Variants in FAM107B observed in about 807,000 individuals in gnomAD.
FAM107B encodes protein FAM107B.
FAM107B carries 21 observed loss-of-function variants against 31.5 expected under a neutral mutation model. The observed-to-expected ratio is 0.67, with a 90% CI of 0.47 to 0.96. FAM107B has a LOEUF of 0.96. Ranked by LOEUF, FAM107B falls within the 40% of genes least tolerant of loss-of-function variation. The pLI is 0.00. For missense variants in FAM107B, 452 were observed against 377.1 expected (o/e 1.20, Z -1.64); for synonymous variants, 157 against 141.5 (o/e 1.11, Z -0.78).
chr10:14,765,618 G>A (rs1277641756), intron 1 of FAM107B, among the ~76,000 whole-genome samples: 1 of 152,180 alleles, frequency 6.6e-6, no homozygotes, highest in African/African-American at 2.4e-5. Context: ...GTTTGTGGAA[G>A]GAGGGACAGT....
At chr10:14,633,246 T>C (rs1436310877) in intron 2 of FAM107B, among the ~76,000 whole-genome samples, 3 of 151,564 alleles carry the variant, frequency 2.0e-5, no homozygotes, top group African/African-American at 7.3e-5. Context: ...CACTGAGTGA[T>C]GGCCCCTTGG....
intron 2 of FAM107B, among the ~76,000 whole-genome samples, chr10:14,569,651 C>A (rs897122788): frequency 6.6e-6 from 1 of 152,152 alleles, no homozygotes; most frequent in South Asian, 2.1e-4. Flanking sequence ...AGGGGTGGAG[C>A]CCTCACACAG....
At chr10:14,525,698 A>G (rs1172270411) in intron 3 of FAM107B, among the ~76,000 whole-genome samples, 1 of 152,138 alleles carries the variant, frequency 6.6e-6, no homozygotes, top group Non-Finnish European at 1.5e-5. Flanking sequence ...TTGGTTTCCA[A>G]CTGTTCACTA....
chr10:14,583,741 A>G (rs939274863), intron 2 of FAM107B, among the ~76,000 whole-genome samples: 5 of 152,104 alleles, frequency 3.3e-5, no homozygotes, highest in African/African-American at 1.2e-4. Context: ...GAAGGAAACT[A>G]CAGGGAAAAA....
At chr10:14,571,927 A>G in intron 2 of FAM107B, 1 of 985,446 alleles carries the variant, frequency 1.0e-6, no homozygotes, top group Non-Finnish European at 1.2e-6. Context: ...ACCTCACCTC[A>G]GTAGATATAG....
At chr10:14,625,301 C>A (rs1035200020) in intron 2 of FAM107B, among the ~76,000 whole-genome samples, 1 of 151,544 alleles carries the variant, frequency 6.6e-6, no homozygotes, top group African/African-American at 2.4e-5. Flanking sequence ...TCCCTCCCAG[C>A]CCTGGGAATT....
intron 2 of FAM107B, among the ~76,000 whole-genome samples, chr10:14,599,428 A>C (rs1588647696): frequency 1.3e-5 from 2 of 152,326 alleles, no homozygotes; most frequent in East Asian, 1.9e-4. Context: ...TATTGTCTCC[A>C]ACCCATGTGA....
intron 2 of FAM107B, among the ~76,000 whole-genome samples, chr10:14,590,597 AG>A (rs1428514823): frequency 6.6e-6 from 1 of 152,202 alleles, no homozygotes; most frequent in African/African-American, 2.4e-5. Context: ...CTTCTTCCAA[AG>A]GAACTCTCAA....
chr10:14,545,760 T>C (rs1393198617), intron 2 of FAM107B, among the ~76,000 whole-genome samples: 1 of 152,250 alleles, frequency 6.6e-6, no homozygotes, highest in African/African-American at 2.4e-5. Context: ...AAATTAAAAT[T>C]GGTAAAATAA....
intron 1 of FAM107B, among the ~76,000 whole-genome samples, chr10:14,702,467 C>G (rs2768741): frequency 0.018 from 2,729 of 152,206 alleles, 106 homozygotes; most frequent in African/African-American, 0.063. Flanking sequence ...CCGCCTCAGC[C>G]CCCTGAGTAG....
At chr10:14,604,119 C>CCCCCCCCCCCG in intron 2 of FAM107B, 1 of 497,190 alleles carries the variant, frequency 2.0e-6, no homozygotes, top group Non-Finnish European at 2.6e-6. Context: ...CGGGGACCCC[C>CCCCCCCCCCCG]CACCCGCCCG....
chr10:14,556,350 A>G, intron 2 of FAM107B: 1 of 985,468 alleles, frequency 1.0e-6, no homozygotes, highest in Non-Finnish European at 1.2e-6. Context: ...CAGAAGATCT[A>G]GAAATGCTGA....
chr10:14,582,948 G>T (rs10906705), intron 2 of FAM107B, among the ~76,000 whole-genome samples: 111,094 of 151,736 alleles, frequency 0.73, 41,593 homozygotes, highest in Middle Eastern at 0.83. Context: ...TAGCCGGGCA[G>T]AGTGGCGTGC....
chr10:14,610,153 C>A (rs752484812), intron 2 of FAM107B, among the ~76,000 whole-genome samples: 25 of 152,228 alleles, frequency 1.6e-4, no homozygotes, highest in South Asian at 6.2e-4. Context: ...ATCATCCTGG[C>A]TAACACGGTG....
intron 2 of FAM107B, among the ~76,000 whole-genome samples, chr10:14,645,743 T>C (rs759622943): frequency 2.0e-5 from 3 of 152,210 alleles, no homozygotes; most frequent in African/African-American, 4.8e-5. Context: ...GGATTTATTT[T>C]ATTTTTTTTA....
At chr10:14,590,593 C>T (rs4750534) in intron 2 of FAM107B, among the ~76,000 whole-genome samples, 145,886 of 152,260 alleles carry the variant, frequency 0.96, 70,219 homozygotes, top group East Asian at 1. Flanking sequence ...CATGCTTCTT[C>T]CAAAGGAACT....
At chr10:14,689,920 C>T (rs531302500) in intron 1 of FAM107B, among the ~76,000 whole-genome samples, 23 of 151,538 alleles carry the variant, frequency 1.5e-4, no homozygotes, top group Middle Eastern at 3.4e-3. Flanking sequence ...GCTGAGCTCG[C>T]ACCACAGCAC....
intron 1 of FAM107B, among the ~76,000 whole-genome samples, chr10:14,685,440 C>G (rs757928059): frequency 2.6e-5 from 4 of 152,158 alleles, no homozygotes; most frequent in African/African-American, 7.2e-5. Context: ...GTGTGAGCCA[C>G]TGCACCTGGT....
At chr10:14,570,921 T>C (rs576885029) in intron 2 of FAM107B, among the ~76,000 whole-genome samples, 76 of 151,898 alleles carry the variant, frequency 5.0e-4, no homozygotes, top group Admixed American at 1.9e-3. Flanking sequence ...ATGAGCAGAA[T>C]GCTTTCAAAT....
Sources: allele counts gnomAD v4.1 joint callset (sites outside exome capture counted in the v4.1 genomes callset), GRCh38; gene constraint gnomAD v4.1.1; transcripts MANE v1.5; gene names NCBI Gene and HGNC (gene_info 2026-07-23, HGNC 2026-07-21).